Variants in FRK observed in about 807,000 individuals in gnomAD.
FRK encodes the protein fyn related Src family tyrosine kinase, also known as tyrosine-protein kinase FRK.
FRK carries 51 observed loss-of-function variants against 56.4 expected under a neutral mutation model. The ratio of observed to expected loss-of-function variants is 0.90; its 90% CI spans 0.72 to 1.14. FRK has a LOEUF of 1.14. Ranked by LOEUF, FRK falls within the 50% of genes most tolerant of loss-of-function variation. FRK has a pLI of 0.00. For synonymous variants in FRK, 245 were observed against 217.9 expected (o/e 1.12, Z -1.10); for missense variants, 570 against 601.4 (o/e 0.95, Z 0.55).
rs1464626968 is a variant in FRK, at chr6:116,060,111, G to A, written c.201C>T (p.Asp67=). 1.9e-6 allele frequency: 3 copies of A among 1,614,042 alleles called. 1 individual carries two copies. The South Asian group carries it at 3.3e-5, about 18-fold the overall frequency. The change falls in exon 1 of 8, where the codon GAC becomes GAT. Residue 67 remains aspartate (D), a synonymous_variant. Coordinates refer to ENST00000606080, the MANE Select transcript of FRK (RefSeq NM_002031.3). ...GCAAAGTGTCCAGAACTTGAAGTTT[G>A]TCACCTGCTCGGAAGCTCAAGTCCT... ...TAEDLSFRAG[D]KLQVLDTLHE...
intron 1 of FRK, among the ~76,000 whole-genome samples, chr6:116,042,942 C>A (rs1439449739): frequency 6.6e-6 from 1 of 151,800 alleles, no homozygotes. Flanking sequence ...CAATCCTAGT[C>A]TCTGATAAGA....
At position 115,935,289 on chromosome 6, in the gene FRK, T is replaced by C. The variant is rs1470692960; in HGVS notation, c.*7125A>G. 1 of 152,378 alleles carries C rather than the reference T, an allele frequency of 6.6e-6. No individual in the cohort carries two copies. Among genetic ancestry groups the C allele is most frequent in the Non-Finnish European group, 1.5e-5 (1 of 68,166 alleles). 9.4% of individuals were successfully genotyped at this position (152,378 alleles called of 1,614,324 possible). On this transcript the variant is annotated 3_prime_UTR_variant, in exon 8 of 8. Coordinates refer to ENST00000606080, the MANE Select transcript of FRK (RefSeq NM_002031.3). ...ACCCAAGGGAAGCCATGAGGGACTG[T>C]ACCTGAGGAACGGTGCACTCCAGCC...
At chr6:116,022,561 G>A (rs189410193) in intron 1 of FRK, among the ~76,000 whole-genome samples, 31 of 152,134 alleles carry the variant, frequency 2.0e-4, no homozygotes, top group African/African-American at 4.3e-4. Context: ...ATAATCAGCC[G>A]CTCAATAGAT....
At chr6:116,068,980 TC>T in the FRK span, among the ~76,000 whole-genome samples, 4 of 152,204 alleles carry the variant, frequency 2.6e-5, no homozygotes, top group Non-Finnish European at 5.9e-5. Context: ...GAACTTGCTT[TC>T]CAAAAAGACT....
At chr6:115,951,500 A>C (rs949030590) in intron 5 of FRK, among the ~76,000 whole-genome samples, 1 of 152,236 alleles carries the variant, frequency 6.6e-6, no homozygotes, top group Non-Finnish European at 1.5e-5. Flanking sequence ...CTTTTTAAAA[A>C]TGGAGATATT....
chr6:116,024,092 ACACACAC>A (rs1179951156), intron 1 of FRK, among the ~76,000 whole-genome samples: 36 of 151,460 alleles, frequency 2.4e-4, no homozygotes, highest in Non-Finnish European at 4.9e-4. Context: ...ACACACACAC[ACACACAC>A]ATTAGACTGA....
chr6:115,974,318 T>C (rs1366277891), intron 2 of FRK, among the ~76,000 whole-genome samples: 1 of 152,192 alleles, frequency 6.6e-6, no homozygotes, highest in Non-Finnish European at 1.5e-5. Context: ...ATTTTCTTAA[T>C]AAGAGATGCA....
intron 1 of FRK, among the ~76,000 whole-genome samples, chr6:116,051,815 A>C (rs1241074799): frequency 6.6e-6 from 1 of 152,086 alleles, no homozygotes; most frequent in Non-Finnish European, 1.5e-5. Context: ...AAGAAGATAA[A>C]ATTATTTTTT....
the FRK span, among the ~76,000 whole-genome samples, chr6:116,099,671 A>G: frequency 5.3e-5 from 8 of 152,142 alleles, no homozygotes; most frequent in African/African-American, 1.9e-4. Context: ...TCTACTAGGT[A>G]TAAGTGTCCT....
chr6:116,094,398 G>A, the FRK span, among the ~76,000 whole-genome samples: 85 of 152,312 alleles, frequency 5.6e-4, no homozygotes, highest in African/African-American at 1.9e-3. Context: ...GTCCTGTCCC[G>A]GACAGCTGCC....
the FRK span, among the ~76,000 whole-genome samples, chr6:116,069,394 T>C: frequency 6.6e-6 from 1 of 152,170 alleles, no homozygotes; most frequent in African/African-American, 2.4e-5. Context: ...CAAAGTAAGA[T>C]GAACAGAGTC....
chr6:116,054,407 T>C (rs569554827), intron 1 of FRK, among the ~76,000 whole-genome samples: 2 of 146,076 alleles, frequency 1.4e-5, no homozygotes, highest in East Asian at 3.9e-4. Flanking sequence ...GTATTTTTTA[T>C]AAATATAGTA....
chr6:116,035,553 T>TA (rs1776447173), intron 1 of FRK, among the ~76,000 whole-genome samples: 1 of 152,126 alleles, frequency 6.6e-6, no homozygotes, highest in Admixed American at 6.6e-5. Context: ...AGTCTGCTAA[T>TA]ATAACTCACT....
intron 2 of FRK, among the ~76,000 whole-genome samples, chr6:115,983,215 G>A (rs2114642130): frequency 6.6e-6 from 1 of 152,212 alleles, no homozygotes; most frequent in South Asian, 2.1e-4. Context: ...TTTATGAAGA[G>A]ATCAAGTAAT....
chr6:116,012,863 C>T (rs1374517335), intron 1 of FRK, among the ~76,000 whole-genome samples: 2 of 152,096 alleles, frequency 1.3e-5, no homozygotes, highest in Non-Finnish European at 2.9e-5. Flanking sequence ...TTCAATCTGA[C>T]CTCTCTCTTT....
intron 1 of FRK, among the ~76,000 whole-genome samples, chr6:116,050,461 G>T (rs1777141679): frequency 6.6e-6 from 1 of 152,074 alleles, no homozygotes; most frequent in Admixed American, 6.6e-5. Context: ...ATCCAAAACA[G>T]AGCAACGCCT....
chr6:116,052,567 T>G (rs868196011), intron 1 of FRK, among the ~76,000 whole-genome samples: 24 of 151,972 alleles, frequency 1.6e-4, no homozygotes, highest in African/African-American at 5.8e-4. Flanking sequence ...AAATTAGCAG[T>G]AAAGACAAAG....
At chr6:115,996,107 T>C (rs1174655904) in intron 2 of FRK, among the ~76,000 whole-genome samples, 1 of 152,144 alleles carries the variant, frequency 6.6e-6, no homozygotes, top group Admixed American at 6.6e-5. Context: ...CCAGAATCCA[T>C]AGAAGTTTCA....
chr6:116,060,341 GC>G lies in FRK; in HGVS notation c.-31del. 1 of 1,536,938 alleles carries G rather than the reference GC, an allele frequency of 6.5e-7. No homozygotes were observed. The highest frequency in any genetic ancestry group is 1.2e-5 in the South Asian group (1 of 86,290). ...CCTTGGTGGGGAGAAGAGGAGCAGG[GC>G]TTCTCCCTCTCCCCTTAGTCTCTGC... On this transcript the variant is annotated 5_prime_UTR_variant, in exon 1 of 8. Coordinates refer to ENST00000606080, the MANE Select transcript of FRK (RefSeq NM_002031.3).
Sources: gnomAD v4.1 joint callset for allele counts (sites outside exome capture counted in the v4.1 genomes callset) on GRCh38, gnomAD v4.1.1 for gene constraint, MANE v1.5 for transcripts, NCBI Gene and HGNC (gene_info 2026-07-23, HGNC 2026-07-21) for gene names.